Variants in LRRC4C observed in about 807,000 individuals in gnomAD.
LRRC4C encodes leucine-rich repeat-containing protein 4C.
A neutral mutation model predicts 33.6 loss-of-function variants in LRRC4C; 5 were observed. The ratio of observed to expected loss-of-function variants is 0.15; its 90% confidence interval spans 0.08 to 0.31. LRRC4C has a LOEUF of 0.31. LRRC4C is among the 10% of genes least tolerant of loss of function. The probability of loss-of-function intolerance (pLI) is 1.00; values close to 1 mark genes in which losing one functional copy is unlikely to be tolerated. For synonymous variants in LRRC4C, 329 were observed against 302.0 expected (o/e 1.09, Z -0.93); for missense variants, 560 against 796.7 (o/e 0.70, Z 3.58).
At chr11:41,291,705 T>C (rs1949998423) in intron 1 of LRRC4C, among the ~76,000 whole-genome samples, 2 of 152,248 alleles carry the variant, frequency 1.3e-5, no homozygotes, top group Admixed American at 6.5e-5. Flanking sequence ...TCTAGATACA[T>C]AGAAAGAGGA....
At chr11:41,059,189 ACTC>A (rs139095433) in intron 1 of LRRC4C, among the ~76,000 whole-genome samples, 1,468 of 145,932 alleles carry the variant, frequency 0.01, 27 homozygotes, top group African/African-American at 0.035. Context: ...CTGCACATAT[ACTC>A]CTGATACTAA....
At chr11:40,595,876 CT>C (rs1431695234) in intron 3 of LRRC4C, among the ~76,000 whole-genome samples, 9 of 152,092 alleles carry the variant, frequency 5.9e-5, no homozygotes, top group Admixed American at 2.6e-4. Flanking sequence ...AGCAGAGTGG[CT>C]TGGAATTAGC....
rs375793921 is a variant in LRRC4C, at chr11:40,494,593, A to T, written c.-270+153549T>A. ...ATGACATAAATCAGACTTTGTTTATACATCTAGCATGCAGAAGCAGTAATT... is the reference window on the plus strand; with the variant it reads ...ATGACATAAATCAGACTTTGTTTATTCATCTAGCATGCAGAAGCAGTAATT... On this transcript the variant is annotated intron_variant, in intron 3 of 6. Coordinates refer to ENST00000528697, the MANE Select transcript of LRRC4C (RefSeq NM_001258419.2). Among the ~76,000 whole-genome samples, 60 of 152,246 alleles carry T rather than the reference A, an allele frequency of 3.9e-4. No homozygotes were observed. In the South Asian group the frequency reaches 0.012, roughly 32 times the overall value.
intron 2 of LRRC4C, among the ~76,000 whole-genome samples, chr11:40,781,792 T>C (rs1036768881): frequency 2.0e-5 from 3 of 152,200 alleles, no homozygotes; most frequent in South Asian, 2.1e-4. Flanking sequence ...AATGCCAGAC[T>C]AGTGATAGCT....
chr11:41,104,488 A>T (rs1941380773), intron 1 of LRRC4C, among the ~76,000 whole-genome samples: 1 of 151,966 alleles, frequency 6.6e-6, no homozygotes. Flanking sequence ...ATGTGGATAA[A>T]TTGAAACCCT....
chr11:40,260,524 T>C (rs1469184204), intron 4 of LRRC4C, among the ~76,000 whole-genome samples: 2 of 150,842 alleles, frequency 1.3e-5, no homozygotes, highest in Non-Finnish European at 2.9e-5. Flanking sequence ...CTGCACATTG[T>C]GCACATGTAC....
intron 5 of LRRC4C, among the ~76,000 whole-genome samples, chr11:40,231,398 G>A (rs1865186811): frequency 1.3e-5 from 2 of 151,968 alleles, no homozygotes; most frequent in African/African-American, 4.8e-5. Flanking sequence ...CTAATATAGT[G>A]TATAGATATC....
intron 3 of LRRC4C, among the ~76,000 whole-genome samples, chr11:40,526,862 G>T (rs78445839): frequency 6.6e-6 from 1 of 152,056 alleles, no homozygotes; most frequent in Non-Finnish European, 1.5e-5. Flanking sequence ...AATAAATGGC[G>T]ATTGCTGTAT....
chr11:40,117,739 A>C (rs1372187163), intron 6 of LRRC4C, among the ~76,000 whole-genome samples: 1 of 151,638 alleles, frequency 6.6e-6, no homozygotes, highest in African/African-American at 2.4e-5. Context: ...GGGTCACCAC[A>C]TTTCAATTCA....
At chr11:40,149,845 C>T (rs546127654) in intron 5 of LRRC4C, among the ~76,000 whole-genome samples, 1 of 152,222 alleles carries the variant, frequency 6.6e-6, no homozygotes, top group Admixed American at 6.5e-5. Context: ...ATAGGCCAGT[C>T]TAGTAGACAT....
intron 1 of LRRC4C, among the ~76,000 whole-genome samples, chr11:40,996,689 T>A (rs1341801959): frequency 6.6e-6 from 1 of 152,114 alleles, no homozygotes; most frequent in East Asian, 1.9e-4. Flanking sequence ...GGTGCCAGCA[T>A]CTGCTTCTGG....
At position 40,429,718 on chromosome 11, in the gene LRRC4C, T is replaced by C. The variant is rs72895089; in HGVS notation, c.-269-109997A>G. ...TGAAATACATATTTAGAAAAAGTAA[T>C]CTGATCCAAATTTTAAAGATAAGAA... is the stretch of plus-strand genomic sequence containing the variant. On this transcript the variant is annotated intron_variant, in intron 3 of 6. Coordinates refer to ENST00000528697, the MANE Select transcript of LRRC4C (RefSeq NM_001258419.2). Among the ~76,000 whole-genome samples, 1,027 of 152,254 alleles carry C rather than the reference T, an allele frequency of 6.7e-3. 6 individuals are homozygous for C. Among genetic ancestry groups the C allele is most frequent in the Non-Finnish European group, 8.6e-3 (584 of 68,014 alleles).
chr11:41,343,377 A>G (rs1223438376), intron 1 of LRRC4C, among the ~76,000 whole-genome samples: 1 of 152,170 alleles, frequency 6.6e-6, no homozygotes, highest in African/African-American at 2.4e-5. Flanking sequence ...AAAACAAAAC[A>G]AAACAAAACA....
chr11:40,690,465 C>T (rs756603918), intron 2 of LRRC4C, among the ~76,000 whole-genome samples: 3 of 152,096 alleles, frequency 2.0e-5, no homozygotes, highest in South Asian at 2.1e-4. Context: ...TTATCAAAGA[C>T]GCAAAGACAG....
In LRRC4C at chr11:40,377,584, C is replaced by A. The variant is rs1054003083; in HGVS notation, c.-269-57863G>T. ...TTTGATTATTTTTAAATTCTTAGTT[C>A]TTATTCTTGTGATTTGAATCTACCT... On this transcript the variant is annotated intron_variant, in intron 3 of 6. Transcript: ENST00000528697. Among the ~76,000 whole-genome samples the A allele has an allele frequency of 1.3e-3, 195 of 151,980 alleles. 6 individuals carry two copies. The highest frequency in any genetic ancestry group is 4.4e-4 in the Non-Finnish European group (30 of 67,942).
chr11:40,454,400 TG>T (rs1338090127), intron 3 of LRRC4C, among the ~76,000 whole-genome samples: 5 of 152,086 alleles, frequency 3.3e-5, no homozygotes, highest in African/African-American at 1.2e-4. Flanking sequence ...TTTTTTTTTT[TG>T]TATTCTAACA....
chr11:40,998,197 T>C (rs355253), intron 1 of LRRC4C, among the ~76,000 whole-genome samples: 89,285 of 151,636 alleles, frequency 0.59, 26,474 homozygotes, highest in South Asian at 0.67. Flanking sequence ...TATAAACAAA[T>C]ATGTATATAT....
chr11:41,241,622 T>A (rs1387866997), intron 1 of LRRC4C, among the ~76,000 whole-genome samples: 1 of 152,162 alleles, frequency 6.6e-6, no homozygotes, highest in African/African-American at 2.4e-5. Flanking sequence ...ATTTTACCAA[T>A]ATCTATCATC....
chr11:40,554,865 A>G (rs1277931580), intron 3 of LRRC4C, among the ~76,000 whole-genome samples: 5 of 147,462 alleles, frequency 3.4e-5, no homozygotes, highest in East Asian at 3.9e-4. Flanking sequence ...GGGACTACAG[A>G]CGCCCGCTAC....
Sources: gnomAD v4.1 joint callset for allele counts (sites outside exome capture counted in the v4.1 genomes callset) on GRCh38, gnomAD v4.1.1 for gene constraint, MANE v1.5 for transcripts, NCBI Gene and HGNC (gene_info 2026-07-23, HGNC 2026-07-21) for gene names.